The following CCDC144A variants were observed in gnomAD, a reference collection of about 807,000 sequenced individuals.
The protein encoded by CCDC144A is coiled-coil domain-containing protein 144A.
A neutral mutation model predicts 143.8 loss-of-function variants in CCDC144A; 41 were observed. The ratio of observed to expected loss-of-function variants is 0.29; its 90% confidence interval spans 0.22 to 0.37. The LOEUF is 0.37. CCDC144A is among the 10% of genes least tolerant of loss of function. CCDC144A has a pLI of 1.00. For missense variants in CCDC144A, 637 were observed against 1,488.8 expected (o/e 0.43, Z 9.41); for synonymous variants, 242 against 517.9 (o/e 0.47, Z 7.23).
chr17:16,711,144 A>AC (rs1912395711), intron 5 of CCDC144A, among the ~76,000 whole-genome samples: 1 of 135,482 alleles, frequency 7.4e-6, no homozygotes, highest in East Asian at 2.0e-4. Flanking sequence ...ATGAAAAAAA[A>AC]AAAAAAAAAA....
intron 6 of CCDC144A, among the ~76,000 whole-genome samples, chr17:16,714,291 C>T (rs1370380609): frequency 1.3e-5 from 2 of 152,198 alleles, no homozygotes; most frequent in Non-Finnish European, 2.9e-5. Context: ...AGATCTCTCT[C>T]CTTAATTCCA....
chr17:16,749,466 T>A (rs1295281689), intron 12 of CCDC144A, among the ~76,000 whole-genome samples: 1 of 152,222 alleles, frequency 6.6e-6, no homozygotes. Context: ...GTTGTGTGAT[T>A]TCATTTTTTA....
intron 16 of CCDC144A, 89 bp from the exon 17 acceptor site, chr17:16,773,408 A>G (rs1383311297): frequency 1.4e-6 from 2 of 1,477,894 alleles, no homozygotes; most frequent in Non-Finnish European, 1.8e-6. Context: ...TGATCACACC[A>G]TGGCACTCCA....
intron 15 of CCDC144A, among the ~76,000 whole-genome samples, chr17:16,768,321 G>A (rs1915693675): frequency 6.6e-6 from 1 of 152,154 alleles, no homozygotes; most frequent in Admixed American, 6.5e-5. Context: ...ATACCAAACA[G>A]GTCCTATTAA....
intron 6 of CCDC144A, among the ~76,000 whole-genome samples, chr17:16,717,294 G>A (rs1047632720): frequency 3.4e-5 from 5 of 148,448 alleles, no homozygotes; most frequent in Non-Finnish European, 7.4e-5. Flanking sequence ...TGTATTTTTA[G>A]TAGAGATGGG....
intron 15 of CCDC144A, among the ~76,000 whole-genome samples, chr17:16,768,774 T>G (rs1446412826): frequency 6.6e-6 from 1 of 151,880 alleles, no homozygotes; most frequent in Non-Finnish European, 1.5e-5. Flanking sequence ...CCTTTGGTAC[T>G]GATTTCACTA....
At chr17:16,706,446 C>G (rs1407504130) in intron 3 of CCDC144A, 4 of 142,190 alleles carry the variant, frequency 2.8e-5, no homozygotes, top group Non-Finnish European at 6.0e-5. Context: ...TGCCCTTTCT[C>G]TGGCCTTACT....
chr17:16,732,429 T>G (rs1913778998), intron 10 of CCDC144A, 109 bp from the exon 11 acceptor site: 4 of 626,314 alleles, frequency 6.4e-6, no homozygotes, highest in Non-Finnish European at 5.5e-6. Flanking sequence ...AGTTCTTGTG[T>G]TTTAACAGGC....
chr17:16,670,343 A>G, the CCDC144A span, among the ~76,000 whole-genome samples: 7 of 140,374 alleles, frequency 5.0e-5, no homozygotes, highest in Admixed American at 1.4e-4. Flanking sequence ...GCTGGAGTGC[A>G]ATGGCGTGAT....
At chr17:16,741,535 C>T (rs1914256162) in intron 12 of CCDC144A, among the ~76,000 whole-genome samples, 1 of 152,192 alleles carries the variant, frequency 6.6e-6, no homozygotes, top group Admixed American at 6.5e-5. Context: ...ACTTTTAACA[C>T]TTTCTGTTCA....
intron 15 of CCDC144A, among the ~76,000 whole-genome samples, chr17:16,770,016 C>T (rs1417578059): frequency 1.9e-4 from 28 of 150,676 alleles, no homozygotes; most frequent in African/African-American, 6.1e-4. Flanking sequence ...TTAGTAGAGA[C>T]GGGGTTTCAC....
Position 16,773,381 on chromosome 17 carries a change from A to G in CCDC144A, c.4142-116A>G, listed in dbSNP as rs879109228. On this transcript the variant is annotated intron_variant, in intron 16 of 16. Coordinates refer to ENST00000399273, the MANE Select transcript of CCDC144A (RefSeq NM_001382000.1). ...GAGAATTGCTTAAGCCTGGGAGGAC[A>G]AGACTGCAGTGACCTGTGATCACAC... is the stretch of plus-strand genomic sequence containing the variant. 1.0e-4 allele frequency: 141 copies of G among 1,367,614 alleles called. 1 individual carries two copies. The East Asian group carries it at 2.0e-3, about 20-fold the overall frequency. The allele number at this position is 1,367,614 out of a possible 1,614,324, so 84.7% of individuals were successfully genotyped here.
intron 4 of CCDC144A, among the ~76,000 whole-genome samples, chr17:16,708,507 T>G (rs1455482409): frequency 6.6e-6 from 1 of 152,194 alleles, no homozygotes; most frequent in Non-Finnish European, 1.5e-5. Context: ...TGAATTAAGT[T>G]TATTCCAAAC....
the CCDC144A span, among the ~76,000 whole-genome samples, chr17:16,682,779 T>C: frequency 5.7e-3 from 866 of 151,568 alleles, 10 homozygotes; most frequent in African/African-American, 0.02. Context: ...TTTAACAATA[T>C]GACTATCGTT....
chr17:16,682,202 G>GGTGTGTGTGT, the CCDC144A span, among the ~76,000 whole-genome samples: 7 of 145,230 alleles, frequency 4.8e-5, no homozygotes, highest in African/African-American at 1.8e-4. Flanking sequence ...TCTGAAAATG[G>GGTGTGTGTGT]GTGTGTGTGT....
At chr17:16,669,537 A>T in the CCDC144A span, among the ~76,000 whole-genome samples, 2 of 152,234 alleles carry the variant, frequency 1.3e-5, no homozygotes, top group Non-Finnish European at 2.9e-5. Flanking sequence ...AGCATTCTCC[A>T]ACACTTTTTC....
chr17:16,692,780 A>G lies in CCDC144A; in HGVS notation c.345-199A>G, dbSNP rs561642071. Among the ~76,000 whole-genome samples, 579 of 151,700 alleles carry G rather than the reference A, an allele frequency of 3.8e-3. 6 individuals carry two copies. Among genetic ancestry groups the G allele is most frequent in the African/African-American group, 0.013 (551 of 41,410 alleles). ...AATTTACTGAGCTATACTCCCTTCA[A>G]TTCATGAGTACTTCATCTTTTTTTC... On this transcript the variant is annotated intron_variant, in intron 1 of 16. Coordinates refer to ENST00000399273, the MANE Select transcript of CCDC144A (RefSeq NM_001382000.1).
intron 12 of CCDC144A, among the ~76,000 whole-genome samples, chr17:16,748,855 A>G (rs1914657022): frequency 6.6e-6 from 1 of 151,956 alleles, no homozygotes; most frequent in Non-Finnish European, 1.5e-5. Context: ...TAGATATTCT[A>G]GTTTGTGTGT....
At chr17:16,686,091 GT>G (rs67135656), upstream of CCDC144A, among the ~76,000 whole-genome samples, 35,528 of 114,636 alleles carry the variant, frequency 0.31, 4,917 homozygotes, top group Non-Finnish European at 0.38. Context: ...TGTTTTTTTT[GT>G]TTTTTTTTTT....
Sources: gnomAD v4.1 joint callset for allele counts (sites outside exome capture counted in the v4.1 genomes callset) on GRCh38, gnomAD v4.1.1 for gene constraint, MANE v1.5 for transcripts, NCBI Gene and HGNC (gene_info 2026-07-23, HGNC 2026-07-21) for gene names.